SUGCT: variants seen among roughly 807,000 people sequenced by gnomAD.
SUGCT encodes the protein succinyl-CoA:glutarate CoA-transferase.
SUGCT carries 41 observed loss-of-function variants against 55.0 expected under a neutral mutation model. The observed-to-expected ratio is 0.74, with a 90% CI of 0.58 to 0.97. The LOEUF (loss-of-function observed/expected upper bound fraction) is 0.97. Among genes scored for constraint, SUGCT ranks in the 50% least tolerant of loss-of-function variants. The probability of loss-of-function intolerance (pLI) is 0.00; values close to 1 mark genes in which losing one functional copy is unlikely to be tolerated. For synonymous variants in SUGCT, 187 were observed against 200.4 expected (o/e 0.93, Z 0.56); for missense variants, 568 against 547.8 (o/e 1.04, Z -0.37).
At chr7:40,959,857 C>T in the SUGCT span, among the ~76,000 whole-genome samples, 3 of 152,180 alleles carry the variant, frequency 2.0e-5, no homozygotes, top group South Asian at 6.2e-4. Flanking sequence ...GTGGGAAAAG[C>T]ATAGTATCTG....
At chr7:40,988,704 A>G in the SUGCT span, among the ~76,000 whole-genome samples, 1 of 152,186 alleles carries the variant, frequency 6.6e-6, no homozygotes, top group Non-Finnish European at 1.5e-5. Context: ...CGTTAAAGAT[A>G]AACTAAAGAA....
intron 13 of SUGCT, among the ~76,000 whole-genome samples, chr7:40,819,834 A>G (rs1272596986): frequency 3.3e-5 from 5 of 152,200 alleles, no homozygotes. Context: ...GTCCTTGCAC[A>G]TGCCTACAGC....
rs578021539 is a variant in SUGCT at position 40,738,571 on chromosome 7, G to A, written c.1090-10863G>A. On this transcript the variant is annotated intron_variant, in intron 12 of 13. Transcript: ENST00000335693. ...AGCTTTAGTAATGTTAGATGCTACC[G>A]ACTTTAAAACAAAATGCATTACTGT... 1.2e-4 allele frequency among the ~76,000 whole-genome samples: 18 copies of A among 152,226 alleles called. No homozygotes were observed. In the South Asian group the frequency reaches 2.1e-3, roughly 18 times the overall value.
At chr7:40,303,886 A>T (rs906225727) in intron 8 of SUGCT, among the ~76,000 whole-genome samples, 3 of 152,120 alleles carry the variant, frequency 2.0e-5, no homozygotes, top group African/African-American at 7.2e-5. Context: ...ACTTGAGGTC[A>T]GGAGTGTGAG....
intron 6 of SUGCT, among the ~76,000 whole-genome samples, chr7:40,233,940 A>G (rs974731168): frequency 6.6e-6 from 1 of 152,156 alleles, no homozygotes; most frequent in Non-Finnish European, 1.5e-5. Context: ...TTTAATCCTA[A>G]AACTCCCCTT....
intron 1 of SUGCT, among the ~76,000 whole-genome samples, chr7:40,176,132 T>C (rs1208758727): frequency 6.6e-6 from 1 of 151,712 alleles, no homozygotes; most frequent in African/African-American, 2.4e-5. Flanking sequence ...CTTGGGAGGC[T>C]GAGGCAGGAG....
In SUGCT at chr7:40,328,709, G is replaced by A. The variant is rs147208861; in HGVS notation, c.816+11854G>A. ...TTTATTGAACAAGAAAGTGGGTTTT[G>A]TACATGTGTATGTGTGTGTGTATGT... is the stretch of plus-strand genomic sequence containing the variant. On this transcript the variant is annotated intron_variant, in intron 9 of 13. Coordinates refer to ENST00000335693, the MANE Select transcript of SUGCT (RefSeq NM_001193313.2). 2.3e-3 allele frequency among the ~76,000 whole-genome samples: 347 copies of A among 152,072 alleles called. 1 individual carries two copies. The highest frequency in any genetic ancestry group is 3.9e-3 in the Non-Finnish European group (268 of 67,966).
At chr7:40,238,207 A>G (rs1038020069) in intron 7 of SUGCT, among the ~76,000 whole-genome samples, 3 of 152,272 alleles carry the variant, frequency 2.0e-5, no homozygotes, top group East Asian at 3.9e-4. Flanking sequence ...GTAGTTATGT[A>G]TTTGAAAATT....
At chr7:40,832,095 G>A (rs574658526) in intron 13 of SUGCT, among the ~76,000 whole-genome samples, 97 of 152,232 alleles carry the variant, frequency 6.4e-4, no homozygotes, top group African/African-American at 2.2e-3. Context: ...CATTCACAAG[G>A]GGCCGTGCAT....
intron 13 of SUGCT, among the ~76,000 whole-genome samples, chr7:40,829,174 CT>C (rs1178754882): frequency 6.6e-6 from 1 of 152,194 alleles, no homozygotes; most frequent in African/African-American, 2.4e-5. Flanking sequence ...TCCCCCACCC[CT>C]TTTCTAGAAA....
At chr7:40,211,509 G>T (rs1196735885) in intron 6 of SUGCT, among the ~76,000 whole-genome samples, 1 of 152,080 alleles carries the variant, frequency 6.6e-6, no homozygotes, top group Non-Finnish European at 1.5e-5. Context: ...CCACCTTGCT[G>T]GCCTTAGACT....
In SUGCT at chr7:40,531,465, A is replaced by G. The variant is rs1002383326; in HGVS notation, c.1089+35079A>G. 2.0e-5 allele frequency among the ~76,000 whole-genome samples: 3 copies of G among 151,752 alleles called. No homozygotes were observed. In the South Asian group the frequency reaches 6.2e-4, roughly 32 times the overall value. On this transcript the variant is annotated intron_variant, in intron 12 of 13. Transcript: ENST00000335693. ...GGTCCTTTTTATTTCTATCTATAGT[A>G]TCAGTCATTAATGGCAATAAAATTT...
At chr7:40,601,690 C>T (rs1379193732) in intron 12 of SUGCT, among the ~76,000 whole-genome samples, 4 of 151,882 alleles carry the variant, frequency 2.6e-5, no homozygotes, top group Non-Finnish European at 5.9e-5. Context: ...CTAGATGGCT[C>T]TGAATGTGGC....
chr7:40,550,501 G>A (rs1795241883), intron 12 of SUGCT, among the ~76,000 whole-genome samples: 1 of 152,168 alleles, frequency 6.6e-6, no homozygotes, highest in South Asian at 2.1e-4. Flanking sequence ...ATCAAGAACT[G>A]TTTATGCCTG....
intron 6 of SUGCT, among the ~76,000 whole-genome samples, chr7:40,208,559 T>C (rs890869411): frequency 6.6e-6 from 1 of 152,044 alleles, no homozygotes; most frequent in African/African-American, 2.4e-5. Context: ...ATAAATTGAT[T>C]CTTTTTTTTT....
At chr7:40,548,156 C>G (rs1341370191) in intron 12 of SUGCT, among the ~76,000 whole-genome samples, 1 of 146,306 alleles carries the variant, frequency 6.8e-6, no homozygotes, top group South Asian at 2.2e-4. Context: ...TCCAAATAAG[C>G]TATAAACTTC....
At chr7:41,031,057 G>A in the SUGCT span, among the ~76,000 whole-genome samples, 12 of 152,132 alleles carry the variant, frequency 7.9e-5, no homozygotes, top group African/African-American at 2.9e-4. Context: ...CGTCTCCCGG[G>A]CTCAAGTGAT....
At chr7:40,695,431 C>G (rs1347744739) in intron 12 of SUGCT, among the ~76,000 whole-genome samples, 16 of 152,004 alleles carry the variant, frequency 1.1e-4, no homozygotes, top group Admixed American at 3.3e-4. Context: ...CTCATGGGCT[C>G]AAGTGATCTG....
chr7:40,551,031 C>A (rs1795268159), intron 12 of SUGCT, among the ~76,000 whole-genome samples: 1 of 152,184 alleles, frequency 6.6e-6, no homozygotes, highest in South Asian at 2.1e-4. Flanking sequence ...CCTCAGGCAG[C>A]AGTGTGCCAT....
Sources: gnomAD v4.1 joint callset for allele counts (sites outside exome capture counted in the v4.1 genomes callset) on GRCh38, gnomAD v4.1.1 for gene constraint, MANE v1.5 for transcripts, NCBI Gene and HGNC (gene_info 2026-07-23, HGNC 2026-07-21) for gene names.